Variants in KIF19 observed in about 807,000 individuals in gnomAD.
KIF19 encodes kinesin-like protein KIF19.
In KIF19, 98 loss-of-function variants were observed where a neutral mutation model predicts 106.6. The observed-to-expected ratio is 0.92, with a 90% CI of 0.78 to 1.09. The LOEUF is 1.09. Ranked by LOEUF, KIF19 falls within the 50% of genes least tolerant of loss-of-function variation. The pLI is 0.00. For missense variants in KIF19, 1,373 were observed against 1,414.3 expected (o/e 0.97, Z 0.47); for synonymous variants, 516 against 584.2 (o/e 0.88, Z 1.68).
intron 16 of KIF19, 83 bp downstream of exon 16, chr17:74,353,384 G>T: frequency 6.9e-7 from 1 of 1,446,370 alleles, no homozygotes. Context: ...AGTTGGGATG[G>T]ACCCTTTCCC....
intron 2 of KIF19, among the ~76,000 whole-genome samples, chr17:74,339,205 C>T (rs566424822): frequency 3.3e-5 from 5 of 151,984 alleles, no homozygotes; most frequent in South Asian, 4.1e-4. Flanking sequence ...CAAGGCCCCT[C>T]GTGGGAGTAG....
Position 74,346,525 on chromosome 17 carries a change from G to C in KIF19, c.924+1G>C, listed in dbSNP as rs563783480. ...CAGCAAGCTCACCCGGCTCCTGAAGGTACCAGCCACAGCTGGGCCTGGGCA... is the reference window on the plus strand; with the variant it reads ...CAGCAAGCTCACCCGGCTCCTGAAGCTACCAGCCACAGCTGGGCCTGGGCA... On this transcript the variant is annotated splice_donor_variant, in intron 8 of 19. Coordinates refer to ENST00000389916, the MANE Select transcript of KIF19 (RefSeq NM_153209.4). LOFTEE classifies it high-confidence loss of function. This position sits in a 1 kb window ranked among gnomAD's most constrained non-coding sequence, Gnocchi z 4.6. 51 of 1,550,580 alleles carry C rather than the reference G, an allele frequency of 3.3e-5. No individual in the cohort carries two copies. In the South Asian group the frequency reaches 5.5e-4, roughly 17 times the overall value.
intron 5 of KIF19, among the ~76,000 whole-genome samples, chr17:74,343,659 T>A (rs2054446983): frequency 6.6e-6 from 1 of 152,192 alleles, no homozygotes; most frequent in Non-Finnish European, 1.5e-5. Flanking sequence ...GAGGCTGGAC[T>A]TCATCTGGCT....
chr17:74,350,266 C>A, intron 10 of KIF19, 135 bp from the exon 11 acceptor site: 1 of 785,010 alleles, frequency 1.3e-6, no homozygotes, highest in Non-Finnish European at 2.0e-6. Context: ...AGGGGGTCTT[C>A]CTGGAGGAAG....
At position 74,347,757 on chromosome 17, in the gene KIF19, CA is replaced by C; in HGVS notation, c.925-19del. 1 of 1,585,786 alleles carries C rather than the reference CA, an allele frequency of 6.3e-7. No homozygotes were observed. Among genetic ancestry groups the C allele is most frequent in the Non-Finnish European group, 8.6e-7 (1 of 1,166,608 alleles). On this transcript the variant is annotated intron_variant, in intron 8 of 19. Transcript: ENST00000389916. ...GCCTGAGGAGGCAGTCCCCACTGAC[CA>C]CAGCCACCTCCCATCCAGGACTCTC...
chr17:74,346,600 C>A lies in KIF19; in HGVS notation c.924+76C>A. On this transcript the variant is annotated intron_variant, in intron 8 of 19. Coordinates refer to ENST00000389916, the MANE Select transcript of KIF19 (RefSeq NM_153209.4). The surrounding 1 kb of genome is among the most constrained non-coding windows in gnomAD (Gnocchi z 4.6). The stretch of plus-strand genomic sequence containing the variant: ...AGATTAAACAAATGAAAATACAGGG[C>A]ACCCAGCTAAATTCCAACCTCAGGA... 7.1e-7 allele frequency: 1 copy of A among 1,400,298 alleles called. No homozygotes were observed. The highest frequency in any genetic ancestry group is 9.7e-7 in the Non-Finnish European group (1 of 1,027,458). 86.7% of individuals were successfully genotyped at this position (1,400,298 alleles called of 1,614,324 possible).
At chr17:74,351,842 A>G (rs1318960138) in intron 12 of KIF19, 25 bp from the exon 13 acceptor site, 16 of 1,375,088 alleles carry the variant, frequency 1.2e-5, no homozygotes, top group Non-Finnish European at 1.5e-5. Flanking sequence ...CCCCGCTGCC[A>G]GATGCTGACC....
chr17:74,332,959 C>T (rs1361899411), intron 2 of KIF19, among the ~76,000 whole-genome samples: 2 of 152,142 alleles, frequency 1.3e-5, no homozygotes, highest in African/African-American at 4.8e-5. Context: ...CGAGAGCTGT[C>T]GAGAGGATTA....
chr17:74,351,328 CA>C (rs66627748), intron 12 of KIF19: 4,518 of 79,310 alleles, frequency 0.057, 58 homozygotes, highest in Non-Finnish European at 0.07. Flanking sequence ...ACTAAAAATA[CA>C]AAAAAAAAAA....
chr17:74,350,680 C>T (rs768017963), intron 11 of KIF19, 27 bp from the exon 12 acceptor site: 1 of 1,613,008 alleles, frequency 6.2e-7, no homozygotes, highest in South Asian at 1.1e-5. Context: ...CCTGAATGCC[C>T]TGTCTCTCTG....
chr17:74,328,326 T>A (rs970233118), intron 1 of KIF19, 99 bp from the exon 2 acceptor site: 2 of 1,077,896 alleles, frequency 1.9e-6, no homozygotes, highest in Non-Finnish European at 2.7e-6. Flanking sequence ...AGGCCTGAGA[T>A]GGCTGAATGC....
chr17:74,349,377 A>G (rs1293917584), intron 10 of KIF19, 28 bp downstream of exon 10: 2 of 1,560,434 alleles, frequency 1.3e-6, no homozygotes, highest in South Asian at 2.5e-5. Flanking sequence ...TGTGAGTGGC[A>G]GCCCCCTCCG....
At chr17:74,341,336 A>AATAG (rs2054367829) in intron 2 of KIF19, among the ~76,000 whole-genome samples, 1 of 152,172 alleles carries the variant, frequency 6.6e-6, no homozygotes, top group Non-Finnish European at 1.5e-5. Context: ...TAAATAAATA[A>AATAG]AAGAGACTGT....
At chr17:74,335,846 G>A (rs867389016) in intron 2 of KIF19, among the ~76,000 whole-genome samples, 2 of 152,366 alleles carry the variant, frequency 1.3e-5, no homozygotes, top group Middle Eastern at 6.8e-3. Context: ...TTAAGGCTGG[G>A]GGAGGAGCTG....
At chr17:74,349,926 G>A (rs1309694511) in intron 10 of KIF19, among the ~76,000 whole-genome samples, 1 of 151,922 alleles carries the variant, frequency 6.6e-6, no homozygotes, top group Non-Finnish European at 1.5e-5. Context: ...AGCCTCCCAA[G>A]TAGCTGGGAT....
chr17:74,349,117 C>T, intron 9 of KIF19, 67 bp from the exon 10 acceptor site: 3 of 1,561,006 alleles, frequency 1.9e-6, no homozygotes, highest in Middle Eastern at 1.7e-4. Flanking sequence ...AAAGGCCCTG[C>T]AGGCAGGCCT....
At chr17:74,353,365 G>T in intron 16 of KIF19, 64 bp downstream of exon 16, 2 of 1,470,856 alleles carry the variant, frequency 1.4e-6, no homozygotes, top group South Asian at 2.4e-5. Context: ...CATGGGGGTG[G>T]ACAGCAGCAG....
Position 74,340,555 on chromosome 17 carries a change from G to GCGCGCACACACACACACACACACACACA in KIF19, c.121-1321_121-1320insCGCGCACACACACACACACACACACACA. Among the ~76,000 whole-genome samples the GCGCGCACACACACACACACACACACACA allele has an allele frequency of 7.8e-3, 1,155 of 148,272 alleles. 19 individuals are homozygous for GCGCGCACACACACACACACACACACACA. Among genetic ancestry groups the GCGCGCACACACACACACACACACACACA allele is most frequent in the African/African-American group, 0.025 (987 of 39,918 alleles). ...CACGTGCCAGCAGGTATGCGCGCGCGTACACACACACACACACACTGCTGC... is the reference window on the plus strand; with the variant it reads ...CACGTGCCAGCAGGTATGCGCGCGCGCGCGCACACACACACACACACACACACATACACACACACACACACACTGCTGC... On this transcript the variant is annotated intron_variant, in intron 2 of 19. Coordinates refer to ENST00000389916, the MANE Select transcript of KIF19 (RefSeq NM_153209.4).
chr17:74,352,134 G>C lies in KIF19; in HGVS notation c.1855G>C (p.Asp619His), dbSNP rs202088397. The C allele has an allele frequency of 1.3e-6, 2 of 1,581,398 alleles. No homozygotes were observed. The highest frequency in any genetic ancestry group is 2.3e-5 in the South Asian group (2 of 87,722). The change falls in exon 13 of 20, where the codon GAC (aspartate) becomes CAC (histidine). Residue 619 changes from aspartate to histidine, a missense_variant. This residue lies in a region of KIF19 where 1,020 missense variants were observed against 1,008.2 expected (regional missense o/e 1.01). Transcript: ENST00000389916. ...TATCCAGGGCCAGCGGCAGATCATC[G>C]ACGGTAGGGCCCACGCCCCCGCGCA... The part of the protein sequence containing the change: ...EIIQGQRQII[D>H]DYNLAVPQRL...
Sources: allele counts gnomAD v4.1 joint callset (sites outside exome capture counted in the v4.1 genomes callset), GRCh38; gene constraint gnomAD v4.1.1; regional missense constraint gnomAD v4.1.1; non-coding constraint Gnocchi (gnomAD v3.1); transcripts MANE v1.5; gene names NCBI Gene and HGNC (gene_info 2026-07-23, HGNC 2026-07-21).